Variants in TMEM217B observed in about 807,000 individuals in gnomAD.
TMEM217B encodes transmembrane protein 217B.
At chr6:37,237,704 AAC>A in the TMEM217B span, among the ~76,000 whole-genome samples, 1 of 152,214 alleles carries the variant, frequency 6.6e-6, no homozygotes, top group South Asian at 2.1e-4. Context: ...AGTCAAAAGG[AAC>A]AACTGTAGCA....
At chr6:37,242,998 A>G in the TMEM217B span, among the ~76,000 whole-genome samples, 1 of 152,290 alleles carries the variant, frequency 6.6e-6, no homozygotes, top group South Asian at 2.1e-4. Context: ...TAGCTGCAGG[A>G]GAGGCTGGGA....
chr6:37,217,242 C>T, the TMEM217B span, among the ~76,000 whole-genome samples: 1 of 152,256 alleles, frequency 6.6e-6, no homozygotes, highest in African/African-American at 2.4e-5. Flanking sequence ...TGCAGTGAGC[C>T]GAGGTCGCAC....
the TMEM217B span, chr6:37,257,850 CG>C: frequency 4.5e-6 from 7 of 1,553,750 alleles, no homozygotes; most frequent in Non-Finnish European, 4.4e-6. Context: ...CCTCAGATTG[CG>C]GGGTCTGGGG....
the TMEM217B span, among the ~76,000 whole-genome samples, chr6:37,235,360 T>A: frequency 6.6e-6 from 1 of 151,996 alleles, no homozygotes; most frequent in East Asian, 1.9e-4. Flanking sequence ...TACAAATGTA[T>A]TTCTTTTATT....
At chr6:37,250,396 C>T in the TMEM217B span, among the ~76,000 whole-genome samples, 1 of 152,122 alleles carries the variant, frequency 6.6e-6, no homozygotes, top group Non-Finnish European at 1.5e-5. Context: ...TAGTTTTATA[C>T]ATTCTCTTGT....
At chr6:37,223,944 T>G in the TMEM217B span, among the ~76,000 whole-genome samples, 3 of 151,150 alleles carry the variant, frequency 2.0e-5, no homozygotes, top group Admixed American at 6.6e-5. Context: ...TCAGCCTTTT[T>G]TTTTTTTTCT....
At chr6:37,243,512 T>C in the TMEM217B span, among the ~76,000 whole-genome samples, 1 of 152,228 alleles carries the variant, frequency 6.6e-6, no homozygotes. Context: ...AAGAAAGAGT[T>C]TAATTGATAT....
At chr6:37,218,754 C>A in the TMEM217B span, 1 of 1,613,958 alleles carries the variant, frequency 6.2e-7, no homozygotes, top group African/African-American at 1.3e-5. Flanking sequence ...ATGACCAGGC[C>A]CCTGAAGATC....
the TMEM217B span, among the ~76,000 whole-genome samples, chr6:37,232,682 T>C: frequency 6.6e-6 from 1 of 152,224 alleles, no homozygotes; most frequent in Admixed American, 6.5e-5. Context: ...ACTCCCTTCC[T>C]TTGTTACAAA....
At chr6:37,219,177 G>A in the TMEM217B span, 1 of 764,864 alleles carries the variant, frequency 1.3e-6, no homozygotes, top group Non-Finnish European at 2.1e-6. Flanking sequence ...CTATAGCCTT[G>A]GGAAGACACA....
chr6:37,219,903 C>A, the TMEM217B span, among the ~76,000 whole-genome samples: 1 of 152,096 alleles, frequency 6.6e-6, no homozygotes, highest in South Asian at 2.1e-4. Context: ...CAGGTGGACA[C>A]CAACTGGCTT....
At chr6:37,223,028 A>T in the TMEM217B span, among the ~76,000 whole-genome samples, 1 of 152,244 alleles carries the variant, frequency 6.6e-6, no homozygotes, top group African/African-American at 2.4e-5. Flanking sequence ...GACACAGATT[A>T]AGGAATAATT....
chr6:37,215,706 G>A, the TMEM217B span, among the ~76,000 whole-genome samples: 1 of 152,054 alleles, frequency 6.6e-6, no homozygotes, highest in South Asian at 2.1e-4. Flanking sequence ...AAAATCATTG[G>A]ATGAGAATCA....
At chr6:37,230,534 GAA>G in the TMEM217B span, among the ~76,000 whole-genome samples, 1 of 152,100 alleles carries the variant, frequency 6.6e-6, no homozygotes. Context: ...TTTCTTATAA[GAA>G]GAGAAGATTA....
chr6:37,252,635 ATATTTTTTTT>A, the TMEM217B span, among the ~76,000 whole-genome samples: 2,107 of 60,158 alleles, frequency 0.035, 27 homozygotes, highest in Admixed American at 0.1. Flanking sequence ...ATATATATAT[ATATTTTTTTT>A]TTTTTTTTTT....
chr6:37,228,430 G>A, the TMEM217B span, among the ~76,000 whole-genome samples: 25 of 152,236 alleles, frequency 1.6e-4, no homozygotes, highest in Admixed American at 1.4e-3. Context: ...AAGGCCAGGC[G>A]TGATGGCTCA....
chr6:37,243,345 A>C, the TMEM217B span, among the ~76,000 whole-genome samples: 4 of 152,240 alleles, frequency 2.6e-5, no homozygotes, highest in South Asian at 8.3e-4. Flanking sequence ...AAGTCCTGAG[A>C]ATGGATTGAA....
the TMEM217B span, chr6:37,212,911 T>G: frequency 4.5e-6 from 7 of 1,547,570 alleles, no homozygotes; most frequent in South Asian, 8.3e-5. Flanking sequence ...GATGAAGAAC[T>G]GGGTGGTATT....
chr6:37,235,490 T>C, the TMEM217B span, among the ~76,000 whole-genome samples: 8 of 152,202 alleles, frequency 5.3e-5, no homozygotes, highest in South Asian at 1.0e-3. Flanking sequence ...CTCAGCCTCC[T>C]GAGTAGCTGG....
Sources: allele counts gnomAD v4.1 joint callset (sites outside exome capture counted in the v4.1 genomes callset), GRCh38; gene constraint gnomAD v4.1.1; transcripts MANE v1.5; gene names NCBI Gene and HGNC (gene_info 2026-07-23, HGNC 2026-07-21).